The following NEK5 variants were observed in gnomAD, a reference collection of about 807,000 sequenced individuals.
The protein encoded by NEK5 is NIMA related kinase 5.
A neutral mutation model predicts 109.2 loss-of-function variants in NEK5; 88 were observed. The ratio of observed to expected loss-of-function variants is 0.81; its 90% CI spans 0.68 to 0.96. NEK5 has a LOEUF of 0.96. NEK5 is among the 40% of genes least tolerant of loss of function. NEK5 has a pLI of 0.00. For synonymous variants in NEK5, 283 were observed against 299.9 expected, an observed-to-expected ratio of 0.94 and a Z score of 0.58; for missense variants, 834 against 920.7, an observed-to-expected ratio of 0.91 and a Z score of 1.22.
chr13:52,105,032 T>G (rs987884344), intron 8 of NEK5, among the ~76,000 whole-genome samples: 4 of 152,218 alleles, frequency 2.6e-5, no homozygotes, highest in African/African-American at 9.6e-5. Context: ...AAAATATATA[T>G]CATGAGCTTT....
At chr13:52,080,099 C>A (rs969358073) in intron 17 of NEK5, among the ~76,000 whole-genome samples, 1 of 151,860 alleles carries the variant, frequency 6.6e-6, no homozygotes, top group Non-Finnish European at 1.5e-5. Flanking sequence ...AGCCTATCCG[C>A]CCGGCAGCCA....
At chr13:52,074,456 C>T (rs1394631979) in intron 19 of NEK5, among the ~76,000 whole-genome samples, 3 of 152,124 alleles carry the variant, frequency 2.0e-5, no homozygotes, top group Non-Finnish European at 4.4e-5. Context: ...TGGACCCCTA[C>T]CTTTCACTGT....
chr13:52,119,296 TA>T (rs767217515), intron 4 of NEK5, 22 bp downstream of exon 4: 7 of 1,345,968 alleles, frequency 5.2e-6, no homozygotes, highest in Non-Finnish European at 7.4e-6. Context: ...TAAAAATACT[TA>T]ACGAATATTA....
chr13:52,109,287 C>T (rs1955713298), intron 7 of NEK5, among the ~76,000 whole-genome samples: 1 of 152,168 alleles, frequency 6.6e-6, no homozygotes, highest in Non-Finnish European at 1.5e-5. Context: ...ATTAACTCCT[C>T]CTCCCCTTTG....
intron 22 of NEK5, among the ~76,000 whole-genome samples, chr13:52,054,583 A>C (rs112774117): frequency 2.0e-5 from 3 of 152,390 alleles, no homozygotes; most frequent in African/African-American, 7.2e-5. Flanking sequence ...TGGTTCTCCC[A>C]GCACGCAGCT....
chr13:52,058,291 G>C (rs1399934221), intron 22 of NEK5, among the ~76,000 whole-genome samples: 10 of 144,018 alleles, frequency 6.9e-5, no homozygotes, highest in East Asian at 2.0e-4. Flanking sequence ...CACTGCTCAA[G>C]GAAATAAAAG....
intron 11 of NEK5, among the ~76,000 whole-genome samples, chr13:52,101,311 A>G (rs533812074): frequency 6.6e-6 from 1 of 152,200 alleles, no homozygotes; most frequent in East Asian, 1.9e-4. Context: ...GAGGCAGGAG[A>G]ATGGCATGAA....
intron 13 of NEK5, among the ~76,000 whole-genome samples, chr13:52,089,771 A>C (rs1241727432): frequency 6.6e-6 from 1 of 152,056 alleles, no homozygotes; most frequent in Non-Finnish European, 1.5e-5. Context: ...GTGGATCACG[A>C]GGTCAGGAGT....
At chr13:52,080,094 A>C (rs9568701) in intron 17 of NEK5, among the ~76,000 whole-genome samples, 834 of 53,856 alleles carry the variant, frequency 0.015, 2 homozygotes, top group Non-Finnish European at 0.029. Flanking sequence ...TGAGGAGCCT[A>C]TCCGCCCGGC....
chr13:52,080,301 C>T (rs1311562872), intron 17 of NEK5, among the ~76,000 whole-genome samples: 5 of 148,996 alleles, frequency 3.4e-5, no homozygotes, highest in Non-Finnish European at 6.0e-5. Context: ...CCAGCCGCCT[C>T]GTCCGGGAGG....
intron 20 of NEK5, among the ~76,000 whole-genome samples, chr13:52,066,907 T>C (rs1301896964): frequency 4.6e-5 from 7 of 152,202 alleles, no homozygotes; most frequent in Non-Finnish European, 8.8e-5. Flanking sequence ...TATCATATTA[T>C]ATAGGGTCTG....
Position 52,127,376 on chromosome 13 carries a change from T to G in NEK5, c.107A>C (p.Asn36Thr), listed in dbSNP as rs778837550. Residue 36 changes from asparagine (N) to threonine (T), a missense_variant, in exon 3 of 24, where the codon AAT becomes ACT. Around this residue, in one of 2 missense-constraint regions of NEK5, gnomAD observed 777 missense variants for 824.7 expected, o/e 0.94. Transcript: ENST00000684899. ...DSKHCVIKEI[N>T]FEKMPIQEKE... is the part of the protein sequence containing the mutation. ...TGAACTTAACTTTACCTTTTCAAAA[T>G]TGATCTCTTTTATGACACAGTGCTT... The G allele has an allele frequency of 6.4e-7, 1 of 1,568,020 alleles. No individual in the cohort carries two copies. Among genetic ancestry groups the G allele is most frequent in the African/African-American group, 1.4e-5 (1 of 74,028 alleles).
intron 3 of NEK5, among the ~76,000 whole-genome samples, chr13:52,120,128 TG>T (rs899231150): frequency 1.1e-4 from 17 of 152,152 alleles, no homozygotes; most frequent in Non-Finnish European, 2.5e-4. Flanking sequence ...TCTTCAACAT[TG>T]GCCAGATTTC....
intron 17 of NEK5, among the ~76,000 whole-genome samples, chr13:52,079,564 G>C (rs1182542696): frequency 6.6e-6 from 1 of 152,294 alleles, no homozygotes; most frequent in African/African-American, 2.4e-5. Context: ...AGCCTCCCGA[G>C]GTGCCGGGAT....
intron 12 of NEK5, among the ~76,000 whole-genome samples, chr13:52,097,768 G>C (rs1368995311): frequency 6.6e-6 from 1 of 152,116 alleles, no homozygotes; most frequent in Admixed American, 6.5e-5. Context: ...AGGGATAATT[G>C]TATTTTGCAA....
chr13:52,084,760 AGAGTGTGTGTGTGT>A (rs1219281415), intron 16 of NEK5, among the ~76,000 whole-genome samples: 21 of 36,656 alleles, frequency 5.7e-4, no homozygotes, highest in Admixed American at 2.8e-3. Context: ...AGAGAGAGAG[AGAGTGTGTGTGTGT>A]GTGTGTGTGT....
chr13:52,072,071 C>G lies in NEK5; in HGVS notation c.1723-1G>C, dbSNP rs1954794043. ...AAGTTTCATTTGGTATATCCATTGC[C>G]TAAATCAATTCCACAGTGTTTCATG... On this transcript the variant is annotated splice_acceptor_variant, in intron 19 of 23. Transcript: ENST00000684899. LOFTEE classifies it high-confidence loss of function. 1.2e-6 allele frequency: 2 copies of G among 1,608,254 alleles called. No homozygotes were observed. Among genetic ancestry groups the G allele is most frequent in the South Asian group, 2.2e-5 (2 of 90,352 alleles).
At chr13:52,103,976 T>A (rs1324035895) in intron 9 of NEK5, among the ~76,000 whole-genome samples, 2 of 152,210 alleles carry the variant, frequency 1.3e-5, no homozygotes, top group African/African-American at 4.8e-5. Context: ...TTAATTATTT[T>A]TTTTAGATGG....
rs150029877 is a variant in NEK5 at position 52,099,040 on chromosome 13, C to T, written c.1026+703G>A. ...TATGGTCAATAGTAACTTAATTGTACATTTTGAAATAAGTTACAGAGTATA... is the reference window on the plus strand; with the variant it reads ...TATGGTCAATAGTAACTTAATTGTATATTTTGAAATAAGTTACAGAGTATA... On this transcript the variant is annotated intron_variant, in intron 12 of 23. Transcript: ENST00000684899. 9.5e-3 allele frequency among the ~76,000 whole-genome samples: 1,439 copies of T among 152,230 alleles called. 15 individuals are homozygous for T. Among genetic ancestry groups the T allele is most frequent in the Non-Finnish European group, 0.015 (1,030 of 68,014 alleles).
Sources: gnomAD v4.1 joint callset for allele counts (sites outside exome capture counted in the v4.1 genomes callset) on GRCh38, gnomAD v4.1.1 for gene constraint, gnomAD v4.1.1 regional missense constraint, MANE v1.5 for transcripts, NCBI Gene and HGNC (gene_info 2026-07-23, HGNC 2026-07-21) for gene names.